The following OLA1 variants were observed in gnomAD, a reference collection of about 807,000 sequenced individuals.
OLA1 encodes the protein obg-like ATPase 1.
In OLA1, 14 loss-of-function variants were observed where a neutral mutation model predicts 48.4. That is an observed-to-expected ratio of 0.29 (90% CI 0.19 to 0.45). The LOEUF is 0.45. Ranked by LOEUF, OLA1 falls within the 20% of genes least tolerant of loss-of-function variation. The pLI is 1.00. For synonymous variants in OLA1, 127 were observed against 150.4 expected, an observed-to-expected ratio of 0.84 and a Z score of 1.14; for missense variants, 325 against 467.1, an observed-to-expected ratio of 0.70 and a Z score of 2.80.
chr2:174,134,002 G>T (rs1203627061), intron 5 of OLA1, among the ~76,000 whole-genome samples: 1 of 152,144 alleles, frequency 6.6e-6, no homozygotes, highest in Non-Finnish European at 1.5e-5. Context: ...TGCCTATTCT[G>T]AACACTTCAT....
chr2:174,234,486 T>C (rs1353910640), intron 2 of OLA1, among the ~76,000 whole-genome samples: 2 of 152,076 alleles, frequency 1.3e-5, no homozygotes, highest in East Asian at 3.9e-4. Context: ...TTTTTGGAGA[T>C]AGGGTCTCAC....
chr2:174,191,297 C>A (rs1168394845), intron 4 of OLA1, among the ~76,000 whole-genome samples: 3 of 147,776 alleles, frequency 2.0e-5, no homozygotes, highest in African/African-American at 5.3e-5. Flanking sequence ...AGGAAACTGA[C>A]AAGACAGAAC....
At chr2:174,234,722 G>T (rs2099726) in intron 2 of OLA1, among the ~76,000 whole-genome samples, 32,476 of 151,822 alleles carry the variant, frequency 0.21, 3,562 homozygotes, top group Middle Eastern at 0.3. Context: ...CTTCAGCCTC[G>T]TAAAGTGCTG....
At chr2:174,222,196 T>C (rs189663475) in intron 4 of OLA1, among the ~76,000 whole-genome samples, 3 of 152,306 alleles carry the variant, frequency 2.0e-5, no homozygotes, top group African/African-American at 7.2e-5. Context: ...AATGGTGTTT[T>C]ATAAAAGGCA....
At chr2:174,140,413 C>G (rs1686417876) in intron 5 of OLA1, among the ~76,000 whole-genome samples, 2 of 151,376 alleles carry the variant, frequency 1.3e-5, no homozygotes, top group African/African-American at 2.4e-5. Flanking sequence ...TGTCGCCCAG[C>G]CTGGAGTGCA....
chr2:174,125,235 C>A (rs1026955834), intron 5 of OLA1, among the ~76,000 whole-genome samples: 1 of 152,158 alleles, frequency 6.6e-6, no homozygotes, highest in Non-Finnish European at 1.5e-5. Flanking sequence ...TTATTCATTG[C>A]CTAAAATTGT....
rs556152811 is a variant in OLA1, at chr2:174,114,234, C to G, written c.728+8946G>C. ...GCGGGCGCCTGTAGTCCCAGCTACTCGGAAGGCTGAGACAGGAGAATGGCG... is the reference window on the plus strand; with the variant it reads ...GCGGGCGCCTGTAGTCCCAGCTACTGGGAAGGCTGAGACAGGAGAATGGCG... On this transcript the variant is annotated intron_variant, in intron 7 of 10. Transcript: ENST00000284719. Among the ~76,000 whole-genome samples the G allele has an allele frequency of 3.7e-3, 530 of 143,814 alleles. 17 individuals carry two copies. Among genetic ancestry groups the G allele is most frequent in the Middle Eastern group, 7.4e-3 (2 of 272 alleles). 94.3% of individuals were successfully genotyped at this position (143,814 alleles called of 152,430 possible).
chr2:174,116,308 A>G (rs1307152164), intron 7 of OLA1, among the ~76,000 whole-genome samples: 1 of 152,258 alleles, frequency 6.6e-6, no homozygotes, highest in Non-Finnish European at 1.5e-5. Flanking sequence ...TATTTCTACT[A>G]CATTGTGAAT....
intron 4 of OLA1, among the ~76,000 whole-genome samples, chr2:174,179,080 C>T (rs1687477029): frequency 6.6e-6 from 1 of 151,588 alleles, no homozygotes; most frequent in African/African-American, 2.4e-5. Flanking sequence ...GAGATTTTAA[C>T]CAAAGATAAT....
intron 4 of OLA1, among the ~76,000 whole-genome samples, chr2:174,169,776 G>C (rs555745396): frequency 6.6e-6 from 1 of 152,166 alleles, no homozygotes; most frequent in South Asian, 2.1e-4. Context: ...AAGGCTTTTT[G>C]TTTTTTCTTT....
chr2:174,125,307 T>G (rs1454665734), intron 5 of OLA1, among the ~76,000 whole-genome samples: 1 of 152,126 alleles, frequency 6.6e-6, no homozygotes, highest in African/African-American at 2.4e-5. Context: ...TAGTTGTCAG[T>G]GCAAAAAACT....
At chr2:174,143,759 G>C (rs1357628446) in intron 4 of OLA1, among the ~76,000 whole-genome samples, 1 of 152,154 alleles carries the variant, frequency 6.6e-6, no homozygotes, top group Non-Finnish European at 1.5e-5. Context: ...AAGAAAAAAA[G>C]AGAATAAAGG....
intron 4 of OLA1, among the ~76,000 whole-genome samples, chr2:174,183,222 G>A (rs1210771332): frequency 6.6e-6 from 1 of 152,108 alleles, no homozygotes; most frequent in East Asian, 1.9e-4. Context: ...ACAATGTGTT[G>A]GCATACCAAG....
chr2:174,133,301 T>C (rs1442653794), intron 5 of OLA1, among the ~76,000 whole-genome samples: 2 of 152,198 alleles, frequency 1.3e-5, no homozygotes, highest in Non-Finnish European at 2.9e-5. Flanking sequence ...GTTTAGCTTA[T>C]GACTTCTGGG....
Position 174,075,384 on chromosome 2 carries a change from G to A in OLA1, c.*42C>T. On this transcript the variant is annotated 3_prime_UTR_variant, in exon 11 of 11. Coordinates refer to ENST00000284719, the MANE Select transcript of OLA1 (RefSeq NM_013341.5). ...AATTTTAATTTTTTAAAAATCAGAT[G>A]CCTTTTGGAAGTTGTATGTTTATCT... is the stretch of plus-strand genomic sequence containing the variant. The A allele has an allele frequency of 8.7e-7, 1 of 1,146,376 alleles. No individual in the cohort carries two copies. The highest frequency in any genetic ancestry group is 1.3e-6 in the Non-Finnish European group (1 of 777,984). 71.0% of individuals were successfully genotyped at this position (1,146,376 alleles called of 1,614,324 possible). A position where few individuals can be genotyped will look rare whatever the true frequency, so the allele number is the denominator to read the frequency against.
chr2:174,147,414 C>T (rs568771614), intron 4 of OLA1, among the ~76,000 whole-genome samples: 3 of 151,794 alleles, frequency 2.0e-5, no homozygotes, highest in East Asian at 1.9e-4. Flanking sequence ...GCAACGAGAG[C>T]GAAACTCCGT....
At chr2:174,141,211 C>T (rs1431573385) in intron 5 of OLA1, among the ~76,000 whole-genome samples, 1 of 152,222 alleles carries the variant, frequency 6.6e-6, no homozygotes, top group Non-Finnish European at 1.5e-5. Flanking sequence ...GGATTATAGG[C>T]GTGAGCCACC....
chr2:174,204,048 C>T (rs1196031210), intron 4 of OLA1, among the ~76,000 whole-genome samples: 3 of 151,682 alleles, frequency 2.0e-5, no homozygotes, highest in Non-Finnish European at 4.4e-5. Context: ...CTGCCTTGGC[C>T]TCCCAAAGTG....
At position 174,159,426 on chromosome 2, in the gene OLA1, A is replaced by G. The variant is rs139233444; in HGVS notation, c.374-17426T>C. Among the ~76,000 whole-genome samples, 422 of 152,262 alleles carry G rather than the reference A, an allele frequency of 2.8e-3. 3 individuals carry two copies. Among genetic ancestry groups the G allele is most frequent in the African/African-American group, 9.5e-3 (393 of 41,570 alleles). ...ATACACTGATTTTATAAACAAAGGTACACAGCTATTCATTCCCCAGTATTG... is the reference window on the plus strand; with the variant it reads ...ATACACTGATTTTATAAACAAAGGTGCACAGCTATTCATTCCCCAGTATTG... On this transcript the variant is annotated intron_variant, in intron 4 of 10. Coordinates refer to ENST00000284719, the MANE Select transcript of OLA1 (RefSeq NM_013341.5).
Sources: allele counts gnomAD v4.1 joint callset (sites outside exome capture counted in the v4.1 genomes callset), GRCh38; gene constraint gnomAD v4.1.1; transcripts MANE v1.5; gene names NCBI Gene and HGNC (gene_info 2026-07-23, HGNC 2026-07-21).